Variants in HEPHL1 observed in about 807,000 individuals in gnomAD.
HEPHL1 encodes ferroxidase HEPHL1.
HEPHL1 carries 123 observed loss-of-function variants against 122.0 expected under a neutral mutation model. The observed-to-expected ratio is 1.01, with a 90% CI of 0.87 to 1.17. HEPHL1 has a LOEUF of 1.17. Ranked by LOEUF, HEPHL1 falls within the 50% of genes most tolerant of loss-of-function variation. The probability of loss-of-function intolerance (pLI) is 0.00; values close to 1 mark genes in which losing one functional copy is unlikely to be tolerated. For missense variants in HEPHL1, 1,452 were observed against 1,430.5 expected, an observed-to-expected ratio of 1.01 and a Z score of -0.24; for synonymous variants, 527 against 508.9, an observed-to-expected ratio of 1.04 and a Z score of -0.48.
intron 12 of HEPHL1, 33 bp downstream of exon 12, chr11:94,089,001 T>C: frequency 6.3e-7 from 1 of 1,591,258 alleles, no homozygotes; most frequent in Non-Finnish European, 8.6e-7. Flanking sequence ...GGCTCCTCGG[T>C]GGGATCGCGC....
rs553524158 is a variant in HEPHL1 at position 94,046,496 on chromosome 11, C to T, written c.415+579C>T. On this transcript the variant is annotated intron_variant, in intron 2 of 19. Coordinates refer to ENST00000315765, the MANE Select transcript of HEPHL1 (RefSeq NM_001098672.2). ...TCCTCAGTACCTGCTCCACCACGCA[C>T]CAGGAACACACTAGCTTTCTTCCTT... Among the ~76,000 whole-genome samples, 446 of 148,738 alleles carry T rather than the reference C, an allele frequency of 3.0e-3. 6 individuals are homozygous for T. Among genetic ancestry groups the T allele is most frequent in the African/African-American group, 0.011 (435 of 40,116 alleles).
intron 9 of HEPHL1, among the ~76,000 whole-genome samples, chr11:94,081,718 TA>T (rs1946171640): frequency 6.6e-6 from 1 of 152,154 alleles, no homozygotes; most frequent in African/African-American, 2.4e-5. Context: ...GTGATGCAGG[TA>T]CAGAGAGGAA....
Position 94,045,505 on chromosome 11 carries a change from T to A in HEPHL1, c.171-168T>A, listed in dbSNP as rs78595786. ...TTGCCACTTCATTGCTGAATCTCAT[T>A]TCCACATTAGTAAATTGAGGATAAT... On this transcript the variant is annotated intron_variant, in intron 1 of 19. Coordinates refer to ENST00000315765, the MANE Select transcript of HEPHL1 (RefSeq NM_001098672.2). 4.6e-3 allele frequency among the ~76,000 whole-genome samples: 696 copies of A among 152,338 alleles called. 8 individuals are homozygous for A. Among genetic ancestry groups the A allele is most frequent in the African/African-American group, 0.016 (657 of 41,572 alleles).
intron 14 of HEPHL1, among the ~76,000 whole-genome samples, chr11:94,101,538 A>G (rs1232806664): frequency 6.6e-6 from 1 of 152,102 alleles, no homozygotes; most frequent in East Asian, 1.9e-4. Context: ...TCCATTAGGG[A>G]CCCCATTGTC....
At chr11:94,063,417 G>C (rs1023509580) in intron 2 of HEPHL1, 91 bp from the exon 3 acceptor site, 3 of 996,682 alleles carry the variant, frequency 3.0e-6, no homozygotes, top group Admixed American at 5.1e-5. Flanking sequence ...AGTTATGTTT[G>C]ATTCCAAAGC....
At chr11:94,025,545 A>G (rs1591457939) in intron 1 of HEPHL1, among the ~76,000 whole-genome samples, 1 of 152,210 alleles carries the variant, frequency 6.6e-6, no homozygotes, top group South Asian at 2.1e-4. Context: ...CATGGACGCT[A>G]ACTCATGGGT....
chr11:94,053,008 C>G (rs751684673), intron 2 of HEPHL1, among the ~76,000 whole-genome samples: 1 of 151,888 alleles, frequency 6.6e-6, no homozygotes, highest in African/African-American at 2.4e-5. Flanking sequence ...AAAGTCTCCA[C>G]TCTTCTGTTT....
At chr11:94,081,103 A>G (rs1358775694) in intron 9 of HEPHL1, among the ~76,000 whole-genome samples, 1 of 152,250 alleles carries the variant, frequency 6.6e-6, no homozygotes, top group Non-Finnish European at 1.5e-5. Context: ...ACCATGGAAT[A>G]TCATGCAGCC....
At chr11:94,093,466 T>C in intron 12 of HEPHL1, 35 bp from the exon 13 acceptor site, 1 of 1,611,992 alleles carries the variant, frequency 6.2e-7, no homozygotes, top group Non-Finnish European at 8.5e-7. Flanking sequence ...TTCTGCTTTC[T>C]GACAACTTTA....
chr11:94,082,383 T>C, intron 9 of HEPHL1, 35 bp from the exon 10 acceptor site: 1 of 1,534,402 alleles, frequency 6.5e-7, no homozygotes, highest in South Asian at 1.2e-5. Flanking sequence ...CTCCAAGCTG[T>C]ACCTTTTATG....
chr11:94,051,772 G>T (rs1945891936), intron 2 of HEPHL1, among the ~76,000 whole-genome samples: 1 of 151,996 alleles, frequency 6.6e-6, no homozygotes, highest in Non-Finnish European at 1.5e-5. Flanking sequence ...ATAGTTTAAG[G>T]TCTTAAAGTT....
At chr11:94,062,984 A>G (rs1041580031) in intron 2 of HEPHL1, among the ~76,000 whole-genome samples, 1 of 152,128 alleles carries the variant, frequency 6.6e-6, no homozygotes, top group South Asian at 2.1e-4. Context: ...CAGTTGTCCC[A>G]TGTGTTTAAT....
chr11:94,077,179 T>A (rs1229876651), intron 9 of HEPHL1, among the ~76,000 whole-genome samples: 1 of 152,176 alleles, frequency 6.6e-6, no homozygotes. Flanking sequence ...CTCTCTGACA[T>A]AAACAAAGTA....
intron 17 of HEPHL1, among the ~76,000 whole-genome samples, chr11:94,107,397 A>G (rs1385174548): frequency 1.3e-5 from 2 of 152,186 alleles, no homozygotes; most frequent in African/African-American, 4.8e-5. Flanking sequence ...AAATTTACAT[A>G]TACACTTTAA....
At chr11:94,046,016 A>G (rs760756564) in intron 2 of HEPHL1, 99 bp downstream of exon 2, 25 of 901,058 alleles carry the variant, frequency 2.8e-5, no homozygotes, top group Non-Finnish European at 4.0e-5. Flanking sequence ...GATTACATGG[A>G]TATATTTATC....
Position 94,070,364 on chromosome 11 carries a change from T to G in HEPHL1, c.1064-10T>G. The G allele has an allele frequency of 6.3e-7, 1 of 1,579,904 alleles. No homozygotes were observed. The highest frequency in any genetic ancestry group is 1.2e-5 in the South Asian group (1 of 86,222). ...TATGCCTCAGCTCGTGGTTTTCCTC[T>G]GTTCTGCAGCTGGTATGCTGGGGCA... On this transcript the variant is annotated splice_polypyrimidine_tract_variant and intron_variant, in intron 5 of 19. Coordinates refer to ENST00000315765, the MANE Select transcript of HEPHL1 (RefSeq NM_001098672.2).
chr11:94,098,237 C>A (rs1946335911), intron 13 of HEPHL1, among the ~76,000 whole-genome samples: 2 of 152,154 alleles, frequency 1.3e-5, no homozygotes, highest in Non-Finnish European at 2.9e-5. Flanking sequence ...TCAGCATTTG[C>A]TTGTCTGTAA....
intron 2 of HEPHL1, among the ~76,000 whole-genome samples, chr11:94,050,467 AT>A (rs914483414): frequency 2.0e-5 from 3 of 151,838 alleles, no homozygotes; most frequent in Admixed American, 2.0e-4. Context: ...CTAGCTGTAC[AT>A]TTTTTTCTAG....
At chr11:94,088,524 C>CT (rs149600766) in intron 11 of HEPHL1, among the ~76,000 whole-genome samples, 3,730 of 152,094 alleles carry the variant, frequency 0.025, 152 homozygotes, top group African/African-American at 0.085. Flanking sequence ...TTGTAAGTTT[C>CT]TTTTTTTATA....
Sources: allele counts gnomAD v4.1 joint callset (sites outside exome capture counted in the v4.1 genomes callset), GRCh38; gene constraint gnomAD v4.1.1; transcripts MANE v1.5; gene names NCBI Gene and HGNC (gene_info 2026-07-23, HGNC 2026-07-21).